The following RASAL2 variants were observed in gnomAD, a reference collection of about 807,000 sequenced individuals.
The protein encoded by RASAL2 is RAS protein activator like 2, also known as ras GTPase-activating protein nGAP.
Under a neutral mutation model 128.9 loss-of-function variants are expected in RASAL2, and 58 were observed. The ratio of observed to expected loss-of-function variants is 0.45; its 90% CI spans 0.36 to 0.56. RASAL2 has a LOEUF of 0.56. Among genes scored for constraint, RASAL2 ranks in the 20% least tolerant of loss-of-function variants. The pLI is 0.00. For missense variants in RASAL2, 1,360 were observed against 1,601.6 expected (o/e 0.85, Z 2.57); for synonymous variants, 561 against 580.8 (o/e 0.97, Z 0.49).
chr1:178,406,306 A>G (rs1471030714), intron 4 of RASAL2, among the ~76,000 whole-genome samples: 1 of 152,238 alleles, frequency 6.6e-6, no homozygotes, highest in African/African-American at 2.4e-5. Flanking sequence ...TTTCAAAAAC[A>G]TTATGCTAAG....
intron 1 of RASAL2, among the ~76,000 whole-genome samples, chr1:178,215,636 CTT>C (rs1288997368): frequency 6.6e-6 from 1 of 152,180 alleles, no homozygotes; most frequent in Non-Finnish European, 1.5e-5. Flanking sequence ...ATTAGAAAGT[CTT>C]AATAGGTCCT....
intron 3 of RASAL2, among the ~76,000 whole-genome samples, chr1:178,381,458 T>A (rs970983010): frequency 2.6e-5 from 4 of 151,804 alleles, no homozygotes; most frequent in Non-Finnish European, 2.9e-5. Context: ...TAGGCTCCTT[T>A]CTTTTTTATT....
intron 1 of RASAL2, among the ~76,000 whole-genome samples, chr1:178,191,527 G>C (rs371952078): frequency 1.1e-4 from 17 of 152,254 alleles, no homozygotes; most frequent in Admixed American, 3.3e-4. Context: ...CAAACTTTGG[G>C]TTGCACGAAT....
At position 178,441,540 on chromosome 1, in the gene RASAL2, A is replaced by G; in HGVS notation, c.829-9A>G. 6.2e-7 allele frequency: 1 copy of G among 1,605,922 alleles called. No homozygotes were observed. Among genetic ancestry groups the G allele is most frequent in the African/African-American group, 1.3e-5 (1 of 74,760 alleles). On this transcript the variant is annotated splice_polypyrimidine_tract_variant and intron_variant, in intron 6 of 17. Transcript: ENST00000367649. ...TTTCTTTTTCTTATGTCTAATTTTT[A>G]TGTTGAAGGTTACCTACTTAAGTGG... is the stretch of plus-strand genomic sequence containing the variant.
intron 1 of RASAL2, among the ~76,000 whole-genome samples, chr1:178,246,795 A>G (rs1287329064): frequency 1.3e-5 from 2 of 151,788 alleles, no homozygotes; most frequent in Non-Finnish European, 2.9e-5. Context: ...GAATTTTATC[A>G]AAAGCTTTTT....
chr1:178,424,218 G>GT (rs74384566), intron 5 of RASAL2, among the ~76,000 whole-genome samples: 3,077 of 141,924 alleles, frequency 0.022, 39 homozygotes, highest in Non-Finnish European at 0.025. Context: ...AAGTGTTGTG[G>GT]TTTTTTTTTT....
chr1:178,307,877 G>T (rs1254746861), intron 3 of RASAL2, among the ~76,000 whole-genome samples: 4 of 152,202 alleles, frequency 2.6e-5, no homozygotes, highest in African/African-American at 9.6e-5. Context: ...ATAGTTGTTT[G>T]CATGTAACAT....
At chr1:178,222,256 A>T (rs1663640752) in intron 1 of RASAL2, among the ~76,000 whole-genome samples, 1 of 152,074 alleles carries the variant, frequency 6.6e-6, no homozygotes, top group Non-Finnish European at 1.5e-5. Context: ...ATATATTTGG[A>T]TTATTAATAT....
chr1:178,257,619 C>T (rs368170172), intron 1 of RASAL2, among the ~76,000 whole-genome samples: 1 of 151,974 alleles, frequency 6.6e-6, no homozygotes, highest in East Asian at 2.0e-4. Context: ...AGGTGGCTGC[C>T]CACGTGCTTG....
At chr1:178,368,010 G>A (rs544089212) in intron 3 of RASAL2, among the ~76,000 whole-genome samples, 6 of 152,230 alleles carry the variant, frequency 3.9e-5, no homozygotes, top group South Asian at 2.1e-4. Context: ...ATTAGTCTAC[G>A]TATTTTCTAT....
At chr1:178,213,249 G>T (rs998981556) in intron 1 of RASAL2, among the ~76,000 whole-genome samples, 3 of 152,104 alleles carry the variant, frequency 2.0e-5, no homozygotes, top group Non-Finnish European at 4.4e-5. Context: ...TCACTATGTT[G>T]CCCAGGCTGA....
chr1:178,100,739 C>A (rs929942668), intron 1 of RASAL2, among the ~76,000 whole-genome samples: 1 of 152,108 alleles, frequency 6.6e-6, no homozygotes. Flanking sequence ...TGTAATTGTT[C>A]TTTGCAGTTG....
At chr1:178,105,337 C>A (rs1659048457) in intron 1 of RASAL2, among the ~76,000 whole-genome samples, 1 of 152,116 alleles carries the variant, frequency 6.6e-6, no homozygotes, top group South Asian at 2.1e-4. Context: ...TTTCTTTTAC[C>A]ATTTAGCTGT....
At position 178,191,921 on chromosome 1, in the gene RASAL2, A is replaced by T. The variant is rs78206696; in HGVS notation, c.203-91643A>T. Reference sequence around the variant, plus strand: ...ATAAAGGAAAACTTCATTTTGCAGAAAGAAAAGACAGTTTCTCAGTCTCAA... The same window carrying T: ...ATAAAGGAAAACTTCATTTTGCAGATAGAAAAGACAGTTTCTCAGTCTCAA... On this transcript the variant is annotated intron_variant, in intron 1 of 17. Transcript: ENST00000367649. 3.3e-3 allele frequency among the ~76,000 whole-genome samples: 504 copies of T among 152,334 alleles called. 4 individuals are homozygous for T. The highest frequency in any genetic ancestry group is 0.012 in the African/African-American group (489 of 41,572).
rs1677442770 is a variant in RASAL2 at position 178,452,435 on chromosome 1, A to C, written c.1792A>C (p.Lys598Gln). The change falls in exon 11 of 18, where the codon AAA becomes CAA. Residue 598 changes from lysine (K) to glutamine (Q), a missense_variant. Transcript: ENST00000367649. ...CCCTAGTGTTTTCCCTCGTGAGTTG[A>C]AAGAAGTGTTTGCATCATGGAAGCA... ...NSYCVFPREL[K>Q]EVFASWKQQC... is the part of the protein sequence containing the mutation. 1.4e-5 allele frequency: 22 copies of C among 1,614,044 alleles called. No individual in the cohort carries two copies. Among genetic ancestry groups the C allele is most frequent in the Non-Finnish European group, 1.9e-5 (22 of 1,179,922 alleles).
chr1:178,300,109 A>G lies in RASAL2; in HGVS notation c.448A>G (p.Thr150Ala), dbSNP rs150818309. ...QFPEYPPEGA[T>A]KLEVPAERSP... ...TCCCGAGTACCCACCAGAGGGCGCC[A>G]CTAAACTGGGTAAGCTACTATGAAA... Residue 150 changes from threonine (T) to alanine (A), a missense_variant, in exon 3 of 18, where the codon ACT (threonine) becomes GCT (alanine). Around this residue, in one of 3 missense-constraint regions of RASAL2, gnomAD observed 617 missense variants for 714.2 expected, o/e 0.86. Transcript: ENST00000367649. 1.6e-4 allele frequency: 259 copies of G among 1,612,596 alleles called. No homozygotes were observed. The African/African-American group carries it at 3.2e-3, about 20-fold the overall frequency.
At chr1:178,370,261 G>T (rs1671625679) in intron 3 of RASAL2, among the ~76,000 whole-genome samples, 1 of 152,138 alleles carries the variant, frequency 6.6e-6, no homozygotes, top group Admixed American at 6.5e-5. Context: ...AGGAGTCTGG[G>T]GGTCCCTGAC....
chr1:178,164,823 TTGTGTGTGTGTGTGTGTG>T lies in RASAL2; in HGVS notation c.202+70155_202+70172del, dbSNP rs200932615. Among the ~76,000 whole-genome samples, 157 of 131,998 alleles carry T rather than the reference TTGTGTGTGTGTGTGTGTG, an allele frequency of 1.2e-3. 1 individual carries two copies. The highest frequency in any genetic ancestry group is 2.0e-3 in the Non-Finnish European group (123 of 60,894). The allele number at this position is 131,998 out of a possible 152,430, so 86.6% of individuals were successfully genotyped here. On this transcript the variant is annotated intron_variant, in intron 1 of 17. Transcript: ENST00000367649. ...AACATACGCTTTGTTCATCAAACGT[TTGTGTGTGTGTGTGTGTG>T]TGTGTGTGTGTGTGTGTGTGTGTGT...
chr1:178,110,024 A>G (rs1659236372), intron 1 of RASAL2, among the ~76,000 whole-genome samples: 1 of 152,198 alleles, frequency 6.6e-6, no homozygotes, highest in Non-Finnish European at 1.5e-5. Context: ...TCTCTAAAGC[A>G]AACAAACGAA....
Sources: gnomAD v4.1 joint callset for allele counts (sites outside exome capture counted in the v4.1 genomes callset) on GRCh38, gnomAD v4.1.1 for gene constraint, gnomAD v4.1.1 regional missense constraint, MANE v1.5 for transcripts, NCBI Gene and HGNC (gene_info 2026-07-23, HGNC 2026-07-21) for gene names.